Variants in ST3GAL4 observed in about 807,000 individuals in gnomAD.
ST3GAL4 encodes CMP-N-acetylneuraminate-beta-galactosamide-alpha-2,3-sialyltransferase 4.
ST3GAL4 carries 24 observed loss-of-function variants against 42.6 expected under a neutral mutation model. That is an observed-to-expected ratio of 0.56 (90% CI 0.41 to 0.79). The LOEUF (loss-of-function observed/expected upper bound fraction) is 0.79, where lower values mean the gene tolerates loss of function less well. Ranked by LOEUF, ST3GAL4 falls within the 30% of genes least tolerant of loss-of-function variation. The pLI is 0.00. For missense variants in ST3GAL4, 311 were observed against 430.8 expected, an observed-to-expected ratio of 0.72 and a Z score of 2.46; for synonymous variants, 135 against 163.2, an observed-to-expected ratio of 0.83 and a Z score of 1.32.
At chr11:126,377,676 G>A (rs2135429908) in intron 1 of ST3GAL4, among the ~76,000 whole-genome samples, 1 of 150,162 alleles carries the variant, frequency 6.7e-6, no homozygotes, top group African/African-American at 2.5e-5. Context: ...TAGAGACAGG[G>A]TTTCACCCAG....
At chr11:126,371,152 TC>T (rs1266884479) in intron 1 of ST3GAL4, among the ~76,000 whole-genome samples, 8 of 143,240 alleles carry the variant, frequency 5.6e-5, no homozygotes, top group Non-Finnish European at 1.5e-5. Flanking sequence ...ATTCTATTCT[TC>T]CCCACATTCC....
chr11:126,406,939 C>T lies in ST3GAL4; in HGVS notation c.102-4C>T, dbSNP rs1476362837. The T allele has an allele frequency of 6.2e-7, 1 of 1,613,796 alleles. No homozygotes were observed. On this transcript the variant is annotated splice_polypyrimidine_tract_variant and splice_region_variant and intron_variant, in intron 3 of 10. Transcript: ENST00000444328. This position sits in a 1 kb window ranked among gnomAD's most constrained non-coding sequence, Gnocchi z 5.4. Reference sequence around the variant, plus strand: ...TTCTGCCTCCTGTCCTTTTTTCTCTCCAGTTTTTATTTTCCCATCCCAGAG... The same window carrying T: ...TTCTGCCTCCTGTCCTTTTTTCTCTTCAGTTTTTATTTTCCCATCCCAGAG...
intron 6 of ST3GAL4, 51 bp downstream of exon 6, chr11:126,407,685 C>G (rs767553207): frequency 6.3e-7 from 1 of 1,584,618 alleles, no homozygotes; most frequent in Non-Finnish European, 8.6e-7. Context: ...ATTTCCTGCC[C>G]CCTGCCCGCT....
chr11:126,409,519 G>A lies in ST3GAL4; in HGVS notation c.771+108G>A, dbSNP rs545270569. ...GAAGGATCCCATAACAGAGGCGGCG[G>A]TTTGCATTTTCCCTCCAGGAACACA... is the stretch of plus-strand genomic sequence containing the variant. On this transcript the variant is annotated intron_variant, in intron 9 of 10. Transcript: ENST00000444328. The surrounding 1 kb of genome is among the most constrained non-coding windows in gnomAD (Gnocchi z 4.9). 5.7e-5 allele frequency: 85 copies of A among 1,482,520 alleles called. No homozygotes were observed. The highest frequency in any genetic ancestry group is 7.7e-5 in the Non-Finnish European group (84 of 1,087,742). 91.8% of individuals were successfully genotyped at this position (1,482,520 alleles called of 1,614,324 possible). A position where few individuals can be genotyped will look rare whatever the true frequency, so the allele number is the denominator to read the frequency against.
chr11:126,406,782 C>G lies in ST3GAL4; in HGVS notation c.102-161C>G, dbSNP rs941407888. 4.5e-5 allele frequency: 42 copies of G among 935,120 alleles called. No homozygotes were observed. Among genetic ancestry groups the G allele is most frequent in the Non-Finnish European group, 6.0e-5 (37 of 615,860 alleles). 57.9% of individuals were successfully genotyped at this position (935,120 alleles called of 1,614,324 possible). ...CCAGGGAGTGCAGGGGCAGGAAGACCTGGATCCTCAAGGACTTGGGTTCCA... is the reference window on the plus strand; with the variant it reads ...CCAGGGAGTGCAGGGGCAGGAAGACGTGGATCCTCAAGGACTTGGGTTCCA... On this transcript the variant is annotated intron_variant, in intron 3 of 10. Coordinates refer to ENST00000444328, the MANE Select transcript of ST3GAL4 (RefSeq NM_001254757.2). The surrounding 1 kb of genome is among the most constrained non-coding windows in gnomAD (Gnocchi z 5.4).
At chr11:126,364,614 A>C (rs570372080) in intron 1 of ST3GAL4, among the ~76,000 whole-genome samples, 1 of 144,300 alleles carries the variant, frequency 6.9e-6, no homozygotes, top group South Asian at 2.2e-4. Context: ...AATAAATGCC[A>C]TTAAAAGGGG....
rs201731337 is a variant in ST3GAL4 at position 126,408,109 on chromosome 11, C to T, written c.352C>T (p.Arg118Cys). The T allele has an allele frequency of 1.8e-4, 284 of 1,613,808 alleles. 1 individual carries two copies. The highest frequency in any genetic ancestry group is 1.3e-4 in the Non-Finnish European group (157 of 1,179,938). Reference protein sequence around the residue: ...IPKNIQSLRCRRCVVVGNGHR... With the variant: ...IPKNIQSLRCCRCVVVGNGHR... ...CTCTTTCTATGGCAGCCTCAGGTGC[C>T]GCCGCTGTGTGGTCGTGGGGAACGG... Residue 118 changes from arginine to cysteine, a missense_variant, in exon 7 of 11, where the codon CGC (arginine) becomes TGC (cysteine). By Grantham distance (180) the Arg-to-Cys change is radical (BLOSUM62 -3). Coordinates refer to ENST00000444328, the MANE Select transcript of ST3GAL4 (RefSeq NM_001254757.2).
At position 126,378,112 on chromosome 11, in the gene ST3GAL4, T is replaced by C. The variant is rs770202365; in HGVS notation, c.-61+22270T>C. ...GATTTGTATGGCAATTGAAGAGTCATATCTAGTCATTTTAGGTAGAAGATA... is the reference window on the plus strand; with the variant it reads ...GATTTGTATGGCAATTGAAGAGTCACATCTAGTCATTTTAGGTAGAAGATA... On this transcript the variant is annotated intron_variant, in intron 1 of 10. Coordinates refer to ENST00000444328, the MANE Select transcript of ST3GAL4 (RefSeq NM_001254757.2). This position sits in a 1 kb window ranked among gnomAD's most constrained non-coding sequence, Gnocchi z 5.3. Among the ~76,000 whole-genome samples, 16 of 152,204 alleles carry C rather than the reference T, an allele frequency of 1.1e-4. No individual in the cohort carries two copies. Among genetic ancestry groups the C allele is most frequent in the Admixed American group, 1.0e-3 (16 of 15,268 alleles).
At chr11:126,367,528 C>G (rs1380257477) in intron 1 of ST3GAL4, among the ~76,000 whole-genome samples, 2 of 152,130 alleles carry the variant, frequency 1.3e-5, no homozygotes, top group Admixed American at 6.5e-5. Context: ...GTCGCTGGTA[C>G]CTTCCAGGTC....
At chr11:126,364,280 G>A (rs1250390652) in intron 1 of ST3GAL4, among the ~76,000 whole-genome samples, 1 of 150,780 alleles carries the variant, frequency 6.6e-6, no homozygotes, top group African/African-American at 2.4e-5. Flanking sequence ...TGGGGACCAG[G>A]AGACACCAGG....
rs779254506 is a variant in ST3GAL4, at chr11:126,397,587, C to T, written c.-60-8509C>T. 3.3e-5 allele frequency among the ~76,000 whole-genome samples: 5 copies of T among 152,120 alleles called. No homozygotes were observed. The highest frequency in any genetic ancestry group is 4.8e-5 in the African/African-American group (2 of 41,424). On this transcript the variant is annotated intron_variant, in intron 1 of 10. Transcript: ENST00000444328. The surrounding 1 kb of genome is among the most constrained non-coding windows in gnomAD (Gnocchi z 5.0). The stretch of plus-strand genomic sequence containing the variant: ...ACCAGAGTGGGATGGTCCCAGCGAG[C>T]GGGATGTGGAGGGTTAGGATGTTAT...
At chr11:126,357,651 T>A (rs2135359834) in intron 1 of ST3GAL4, among the ~76,000 whole-genome samples, 1 of 152,324 alleles carries the variant, frequency 6.6e-6, no homozygotes, top group Non-Finnish European at 1.5e-5. Context: ...CTTTCTGGAC[T>A]TTTAATCCTG....
chr11:126,368,654 A>C (rs1050970102), intron 1 of ST3GAL4, among the ~76,000 whole-genome samples: 1 of 152,192 alleles, frequency 6.6e-6, no homozygotes, highest in Non-Finnish European at 1.5e-5. Context: ...AGGTGGCTGG[A>C]GCCAGCTCTA....
In ST3GAL4 at chr11:126,386,374, C is replaced by T. The variant is rs550021661; in HGVS notation, c.-60-19722C>T. 4.6e-5 allele frequency among the ~76,000 whole-genome samples: 7 copies of T among 152,212 alleles called. No homozygotes were observed. The highest frequency in any genetic ancestry group is 2.1e-4 in the South Asian group (1 of 4,814). ...AGTCAGTGCCCTCCCTGCTTGCATT[C>T]GGCCCACAGGCCTTGTGGCTCCTGT... On this transcript the variant is annotated intron_variant, in intron 1 of 10. Coordinates refer to ENST00000444328, the MANE Select transcript of ST3GAL4 (RefSeq NM_001254757.2). The surrounding 1 kb of genome is among the most constrained non-coding windows in gnomAD (Gnocchi z 4.7).
rs1469745290 is a variant in ST3GAL4 at position 126,396,554 on chromosome 11, G to A, written c.-60-9542G>A. On this transcript the variant is annotated intron_variant, in intron 1 of 10. Coordinates refer to ENST00000444328, the MANE Select transcript of ST3GAL4 (RefSeq NM_001254757.2). The surrounding 1 kb of genome is among the most constrained non-coding windows in gnomAD (Gnocchi z 5.8). ...TAGAGACTGTGTCTCGTGCGGAAGC[G>A]TGGCTGAGAAGGGGCTCGACAGGCT... Among the ~76,000 whole-genome samples the A allele has an allele frequency of 3.9e-5, 6 of 152,052 alleles. No homozygotes were observed. Among genetic ancestry groups the A allele is most frequent in the East Asian group, 1.9e-4 (1 of 5,178 alleles).
At chr11:126,412,344 G>A (rs976832796) in intron 9 of ST3GAL4, among the ~76,000 whole-genome samples, 1 of 152,226 alleles carries the variant, frequency 6.6e-6, no homozygotes, top group South Asian at 2.1e-4. Context: ...CTGGCATGTC[G>A]ACAGGCCTGA....
intron 1 of ST3GAL4, among the ~76,000 whole-genome samples, chr11:126,369,627 T>C (rs1412323889): frequency 2.0e-5 from 3 of 152,214 alleles, no homozygotes; most frequent in South Asian, 2.1e-4. Flanking sequence ...CCAGAAGTGA[T>C]GGTTGGTCCA....
chr11:126,403,448 T>C (rs1028178483), intron 1 of ST3GAL4: 6 of 985,294 alleles, frequency 6.1e-6, no homozygotes, highest in Non-Finnish European at 7.2e-6. Context: ...CTCTTTGTAG[T>C]GTTTCCCGCC....
At chr11:126,381,483 A>G (rs1226814994) in intron 1 of ST3GAL4, among the ~76,000 whole-genome samples, 1 of 150,598 alleles carries the variant, frequency 6.6e-6, no homozygotes, top group East Asian at 2.0e-4. Context: ...ACCAGGAGAC[A>G]CCAGGATGGG....
Sources: gnomAD v4.1 joint callset for allele counts (sites outside exome capture counted in the v4.1 genomes callset) on GRCh38, gnomAD v4.1.1 for gene constraint, Gnocchi (gnomAD v3.1) non-coding constraint, MANE v1.5 for transcripts, NCBI Gene and HGNC (gene_info 2026-07-23, HGNC 2026-07-21) for gene names.